The following GXYLT2 variants were observed in gnomAD, a reference collection of about 807,000 sequenced individuals.
GXYLT2 encodes the protein glucoside xylosyltransferase 2.
A neutral mutation model predicts 45.8 loss-of-function variants in GXYLT2; 53 were observed. The observed-to-expected ratio is 1.16, with a 90% CI of 0.93 to 1.46. The LOEUF (loss-of-function observed/expected upper bound fraction) is 1.46. Ranked by LOEUF, GXYLT2 falls within the 40% of genes most tolerant of loss-of-function variation. The pLI, the probability that GXYLT2 is intolerant of heterozygous loss-of-function variation, is 0.00. For synonymous variants in GXYLT2, 219 were observed against 214.2 expected (o/e 1.02, Z -0.19); for missense variants, 551 against 544.4 (o/e 1.01, Z -0.12).
At chr3:72,906,789 G>A (rs977628102) in intron 1 of GXYLT2, among the ~76,000 whole-genome samples, 1 of 152,204 alleles carries the variant, frequency 6.6e-6, no homozygotes, top group African/African-American at 2.4e-5. Context: ...CACTGGAAGT[G>A]AAACAGAATA....
At chr3:72,923,302 C>A (rs2107102925) in intron 3 of GXYLT2, among the ~76,000 whole-genome samples, 1 of 152,168 alleles carries the variant, frequency 6.6e-6, no homozygotes, top group Admixed American at 6.6e-5. Flanking sequence ...GTAGTCCCAG[C>A]TACTTGGGAG....
At chr3:72,890,984 C>T (rs1362313609) in intron 1 of GXYLT2, among the ~76,000 whole-genome samples, 1 of 152,150 alleles carries the variant, frequency 6.6e-6, no homozygotes, top group Non-Finnish European at 1.5e-5. Flanking sequence ...TCTCTTGCTA[C>T]CTCCACAGAA....
chr3:72,949,558 C>T (rs954875341), intron 3 of GXYLT2, among the ~76,000 whole-genome samples: 1 of 113,296 alleles, frequency 8.8e-6, no homozygotes, highest in African/African-American at 3.4e-5. Flanking sequence ...CATCACCAGG[C>T]TGGAGTGCCA....
chr3:72,928,990 C>T (rs1709973047), intron 3 of GXYLT2: 4 of 1,115,292 alleles, frequency 3.6e-6, no homozygotes, highest in South Asian at 2.6e-5. Flanking sequence ...CCCCAAGGCC[C>T]GCCGCCGCTC....
In GXYLT2 at chr3:72,976,899, TTAAA is replaced by T. The variant is rs1425666175; in HGVS notation, c.*1743_*1746del. ...AGAGACATTTTTGAAAATTAAAATA[TTAAA>T]TACTTTTTGTTATATAGAGACAATG... On this transcript the variant is annotated 3_prime_UTR_variant, in exon 7 of 7. Coordinates refer to ENST00000389617, the MANE Select transcript of GXYLT2 (RefSeq NM_001080393.2). 1 of 152,178 alleles carries T rather than the reference TTAAA, an allele frequency of 6.6e-6. No homozygotes were observed. The highest frequency in any genetic ancestry group is 1.5e-5 in the Non-Finnish European group (1 of 68,026). The allele number at this position is 152,178 out of a possible 1,614,324, so 9.4% of individuals were successfully genotyped here.
chr3:72,891,228 A>G (rs1317390227), intron 1 of GXYLT2, among the ~76,000 whole-genome samples: 3 of 152,066 alleles, frequency 2.0e-5, no homozygotes, highest in Non-Finnish European at 4.4e-5. Context: ...TGGCCTGGGG[A>G]GGGTCAGGCT....
At chr3:72,939,635 T>C (rs2107123271) in intron 3 of GXYLT2, among the ~76,000 whole-genome samples, 1 of 151,924 alleles carries the variant, frequency 6.6e-6, no homozygotes, top group Non-Finnish European at 1.5e-5. Flanking sequence ...AGTAGACAAT[T>C]AGAAAGTATG....
intron 2 of GXYLT2, among the ~76,000 whole-genome samples, chr3:72,909,415 A>G (rs1016510734): frequency 6.6e-6 from 1 of 151,910 alleles, no homozygotes; most frequent in African/African-American, 2.4e-5. Context: ...GTTTGTACAT[A>G]TAGACATGCA....
intron 2 of GXYLT2, among the ~76,000 whole-genome samples, chr3:72,920,820 T>TGTA (rs1559734879): frequency 0.029 from 2,865 of 97,502 alleles, 90 homozygotes; most frequent in African/African-American, 0.2. Context: ...ATATATGTAT[T>TGTA]TTTTTTTTTT....
intron 1 of GXYLT2, among the ~76,000 whole-genome samples, chr3:72,892,905 C>T (rs1360859381): frequency 6.6e-6 from 1 of 152,182 alleles, no homozygotes; most frequent in Non-Finnish European, 1.5e-5. Flanking sequence ...CCTACTCAGT[C>T]AGTAAGCCCT....
At chr3:72,893,366 C>T (rs772166547) in intron 1 of GXYLT2, among the ~76,000 whole-genome samples, 40 of 152,200 alleles carry the variant, frequency 2.6e-4, no homozygotes, top group Admixed American at 4.6e-4. Flanking sequence ...CATCCTAACA[C>T]GGCTAACTCC....
At chr3:72,890,045 C>T (rs2107052511) in intron 1 of GXYLT2, among the ~76,000 whole-genome samples, 1 of 152,142 alleles carries the variant, frequency 6.6e-6, no homozygotes, top group African/African-American at 2.4e-5. Context: ...CTCAGCCTGC[C>T]AGGTAGCTGG....
In GXYLT2 at chr3:72,976,416, C is replaced by T. The variant is rs1201019654; in HGVS notation, c.*1257C>T. ...CATCTCTCTTTCTTAAACTCTTGGG[C>T]AATGGGTGGAAATCAGAGACCAACT... On this transcript the variant is annotated 3_prime_UTR_variant, in exon 7 of 7. Coordinates refer to ENST00000389617, the MANE Select transcript of GXYLT2 (RefSeq NM_001080393.2). The T allele has an allele frequency of 6.6e-6, 1 of 152,190 alleles. No homozygotes were observed. Among genetic ancestry groups the T allele is most frequent in the African/African-American group, 2.4e-5 (1 of 41,438 alleles). The allele number at this position is 152,190 out of a possible 1,614,324, so 9.4% of individuals were successfully genotyped here. A position where few individuals can be genotyped will look rare whatever the true frequency, so the allele number is the denominator to read the frequency against.
intron 2 of GXYLT2, among the ~76,000 whole-genome samples, 165 bp downstream of exon 2, chr3:72,908,724 C>T (rs1230216184): frequency 6.6e-6 from 1 of 152,100 alleles, no homozygotes; most frequent in Non-Finnish European, 1.5e-5. Flanking sequence ...ATAATTATAC[C>T]TACCTCATAG....
At chr3:72,950,359 G>A (rs112318030) in intron 3 of GXYLT2, among the ~76,000 whole-genome samples, 2,258 of 152,208 alleles carry the variant, frequency 0.015, 53 homozygotes, top group African/African-American at 0.051. Flanking sequence ...TACTCCAGAC[G>A]TTGAGGCAGG....
chr3:72,955,327 G>A lies in GXYLT2; in HGVS notation c.830G>A (p.Arg277Gln), dbSNP rs764141156. The A allele has an allele frequency of 1.9e-5, 31 of 1,613,690 alleles. No homozygotes were observed. The South Asian group carries it at 2.4e-4, about 13-fold the overall frequency. Residue 277 changes from arginine to glutamine, a missense_variant, in exon 4 of 7, where the codon CGG (arginine) becomes CAG (glutamine). By Grantham distance (43) the Arg-to-Gln change is conservative. Transcript: ENST00000389617. Reference protein sequence around the residue: ...NSGVMLMNLTRIRSTQFKNSM... With the variant: ...NSGVMLMNLTQIRSTQFKNSM... ...GGAGTCATGTTAATGAATTTAACTC[G>A]GATAAGAAGTACCCAGTTCAAGGTA...
chr3:72,969,909 G>A (rs200390579), intron 6 of GXYLT2, among the ~76,000 whole-genome samples: 81 of 103,420 alleles, frequency 7.8e-4, no homozygotes, highest in East Asian at 2.2e-3. Flanking sequence ...ATGTGCATTT[G>A]AAAAAAAAAA....
intron 3 of GXYLT2, among the ~76,000 whole-genome samples, chr3:72,945,011 C>T (rs917592880): frequency 2.6e-5 from 4 of 151,946 alleles, no homozygotes; most frequent in South Asian, 2.1e-4. Flanking sequence ...CAGATCTTCT[C>T]GTCACTTAGA....
chr3:72,898,127 A>G (rs1486103154), intron 1 of GXYLT2, among the ~76,000 whole-genome samples: 1 of 152,216 alleles, frequency 6.6e-6, no homozygotes, highest in Non-Finnish European at 1.5e-5. Context: ...TTTCTATGAT[A>G]TATGCACTAC....
Sources: allele counts gnomAD v4.1 joint callset (sites outside exome capture counted in the v4.1 genomes callset), GRCh38; gene constraint gnomAD v4.1.1; transcripts MANE v1.5; gene names NCBI Gene and HGNC (gene_info 2026-07-23, HGNC 2026-07-21).